Variants in CCDC175 observed in about 807,000 individuals in gnomAD.
CCDC175 encodes coiled-coil domain containing 175, also known as coiled-coil domain-containing protein 175.
Under a neutral mutation model 114.6 loss-of-function variants are expected in CCDC175, and 100 were observed. The observed-to-expected ratio is 0.87, with a 90% CI of 0.74 to 1.03. The LOEUF is 1.03. Ranked by LOEUF, CCDC175 falls within the 50% of genes least tolerant of loss-of-function variation. CCDC175 has a pLI of 0.00. For missense variants in CCDC175, 880 were observed against 917.8 expected (o/e 0.96, Z 0.53); for synonymous variants, 306 against 308.7 (o/e 0.99, Z 0.09).
intron 18 of CCDC175, 31 bp from the exon 19 acceptor site, chr14:59,510,839 T>C (rs1429707104): frequency 1.3e-6 from 2 of 1,518,972 alleles, no homozygotes; most frequent in African/African-American, 2.8e-5. Flanking sequence ...GCTGTGTCAA[T>C]ATAAATTGCT....
intron 7 of CCDC175, among the ~76,000 whole-genome samples, chr14:59,552,232 T>G (rs1240388598): frequency 6.6e-6 from 1 of 152,222 alleles, no homozygotes; most frequent in Non-Finnish European, 1.5e-5. Context: ...AGGGGCAGAC[T>G]GACACGTCAA....
chr14:59,550,830 G>C (rs1209647659), intron 8 of CCDC175, among the ~76,000 whole-genome samples: 1 of 152,112 alleles, frequency 6.6e-6, no homozygotes, highest in Non-Finnish European at 1.5e-5. Flanking sequence ...CCCAGATTAA[G>C]GGTGGGTCTG....
chr14:59,559,452 T>C (rs1270941458), intron 7 of CCDC175, among the ~76,000 whole-genome samples: 1 of 152,170 alleles, frequency 6.6e-6, no homozygotes, highest in Non-Finnish European at 1.5e-5. Flanking sequence ...TCCTCAGTAT[T>C]TTGAATTCAA....
In CCDC175 at chr14:59,513,523, C is replaced by T. The variant is rs371773854; in HGVS notation, c.2099-1720G>A. On this transcript the variant is annotated intron_variant, in intron 17 of 19. Transcript: ENST00000537690. ...AACGGCACAGCAAGAGATTATATCC[C>T]GTGCCTGGCTTGGAGGGTCCTATGC... 1.6e-4 allele frequency among the ~76,000 whole-genome samples: 24 copies of T among 152,290 alleles called. 2 individuals carry two copies. The highest frequency in any genetic ancestry group is 8.5e-4 in the Admixed American group (13 of 15,310).
rs1423349451 is a variant in CCDC175 at position 59,572,724 on chromosome 14, A to G, written c.333T>C (p.Asn111=). 3 of 1,509,130 alleles carry G rather than the reference A, an allele frequency of 2.0e-6. No individual in the cohort carries two copies. The African/African-American group carries it at 4.2e-5, about 21-fold the overall frequency. 93.5% of individuals were successfully genotyped at this position (1,509,130 alleles called of 1,614,324 possible). Residue 111 remains asparagine (N), a synonymous_variant, in exon 3 of 20, where the codon AAT becomes AAC. Coordinates refer to ENST00000537690, the MANE Select transcript of CCDC175 (RefSeq NM_001164399.2). The part of the protein sequence containing the change: ...KLYYLLETLP[N]SIKRELEECV... ...TACCTTCCAATTCCCTCTTAATGCT[A>G]TTGGGAAGAGTTTCCAATAGATAGT...
intron 10 of CCDC175, among the ~76,000 whole-genome samples, 181 bp from the exon 11 acceptor site, chr14:59,540,927 T>C (rs909308540): frequency 3.9e-5 from 6 of 152,188 alleles, no homozygotes; most frequent in Admixed American, 1.3e-4. Context: ...TCTATGTTAG[T>C]GCAAACTGAT....
chr14:59,535,121 C>T (rs1166884552), intron 13 of CCDC175, among the ~76,000 whole-genome samples: 1 of 152,122 alleles, frequency 6.6e-6, no homozygotes, highest in East Asian at 1.9e-4. Context: ...TACAATGTGC[C>T]TGAGGTTATT....
At chr14:59,524,662 T>C (rs570611306) in intron 16 of CCDC175, among the ~76,000 whole-genome samples, 1 of 152,312 alleles carries the variant, frequency 6.6e-6, no homozygotes, top group Non-Finnish European at 1.5e-5. Context: ...TGGTAGTATG[T>C]ACTAAAGTTG....
At chr14:59,572,647 C>T (rs1896902470) in intron 3 of CCDC175, 55 bp downstream of exon 3, 4 of 964,206 alleles carry the variant, frequency 4.1e-6, no homozygotes, top group Admixed American at 6.6e-5. Context: ...GTTGAAAGTA[C>T]TTCATTCTGT....
intron 19 of CCDC175, among the ~76,000 whole-genome samples, chr14:59,507,058 AT>A (rs1360275066): frequency 1.1e-4 from 17 of 152,234 alleles, no homozygotes; most frequent in African/African-American, 4.1e-4. Context: ...GAATTAACTT[AT>A]TTACCTTTGA....
chr14:59,551,828 G>C (rs1048568618), intron 7 of CCDC175, among the ~76,000 whole-genome samples: 1 of 152,190 alleles, frequency 6.6e-6, no homozygotes, highest in Admixed American at 6.5e-5. Context: ...TATATCCCGC[G>C]CATGGCTCAG....
intron 7 of CCDC175, among the ~76,000 whole-genome samples, chr14:59,558,460 T>C (rs1896045205): frequency 6.6e-6 from 1 of 152,104 alleles, no homozygotes; most frequent in South Asian, 2.1e-4. Context: ...GAAATAGATA[T>C]ATTCAGCATA....
intron 11 of CCDC175, 92 bp from the exon 12 acceptor site, chr14:59,538,932 G>T: frequency 8.4e-7 from 1 of 1,191,578 alleles, no homozygotes; most frequent in Non-Finnish European, 1.1e-6. Flanking sequence ...GTCATACTAT[G>T]ACTACACAAA....
chr14:59,518,010 A>G (rs145779824), intron 17 of CCDC175, among the ~76,000 whole-genome samples: 6,260 of 152,266 alleles, frequency 0.041, 165 homozygotes, highest in Non-Finnish European at 0.06. Flanking sequence ...CCTCAGAAAT[A>G]ATGCCGCATA....
chr14:59,519,805 T>C (rs1462691843), intron 17 of CCDC175, among the ~76,000 whole-genome samples: 1 of 152,204 alleles, frequency 6.6e-6, no homozygotes, highest in Non-Finnish European at 1.5e-5. Context: ...AAAATAACAC[T>C]GTGACTGAAG....
chr14:59,566,066 G>T (rs1896521489), intron 4 of CCDC175, among the ~76,000 whole-genome samples: 1 of 152,148 alleles, frequency 6.6e-6, no homozygotes, highest in South Asian at 2.1e-4. Flanking sequence ...CCTTCCTCTG[G>T]ATAGAAACTA....
At chr14:59,574,796 C>T in intron 2 of CCDC175, 147 bp downstream of exon 2, 3 of 511,964 alleles carry the variant, frequency 5.9e-6, no homozygotes, top group East Asian at 3.2e-5. Flanking sequence ...CAAATCCTTA[C>T]AAAATTGAGA....
intron 13 of CCDC175, among the ~76,000 whole-genome samples, chr14:59,536,629 T>C (rs1373982042): frequency 6.6e-6 from 1 of 151,932 alleles, no homozygotes; most frequent in Admixed American, 6.6e-5. Context: ...GTTCCCCGAG[T>C]TGCACCGGTT....
intron 3 of CCDC175, among the ~76,000 whole-genome samples, chr14:59,571,410 C>A (rs1466073658): frequency 2.0e-5 from 3 of 152,060 alleles, no homozygotes; most frequent in African/African-American, 7.2e-5. Context: ...TCCTACAACT[C>A]AACAACAACA....
Sources: allele counts gnomAD v4.1 joint callset (sites outside exome capture counted in the v4.1 genomes callset), GRCh38; gene constraint gnomAD v4.1.1; transcripts MANE v1.5; gene names NCBI Gene and HGNC (gene_info 2026-07-23, HGNC 2026-07-21).